Variants in MYO3A observed in about 807,000 individuals in gnomAD.
The protein encoded by MYO3A is myosin IIIA.
A neutral mutation model predicts 192.7 loss-of-function variants in MYO3A; 180 were observed. The ratio of observed to expected loss-of-function variants is 0.93; its 90% confidence interval spans 0.83 to 1.06. MYO3A has a LOEUF of 1.06. MYO3A is among the 50% of genes least tolerant of loss of function. The probability of loss-of-function intolerance (pLI) is 0.00; values close to 1 mark genes in which losing one functional copy is unlikely to be tolerated. For synonymous variants in MYO3A, 628 were observed against 645.3 expected (o/e 0.97, Z 0.41); for missense variants, 1,896 against 1,905.0 (o/e 1.00, Z 0.09).
chr10:26,176,580 C>T, intron 30 of MYO3A, 121 bp from the exon 31 acceptor site: 1 of 848,404 alleles, frequency 1.2e-6, no homozygotes, highest in Non-Finnish European at 1.9e-6. Flanking sequence ...ACAGGGTGGG[C>T]CCTGGAGAGG....
chr10:26,187,337 T>G (rs1842913375), intron 31 of MYO3A, among the ~76,000 whole-genome samples: 1 of 152,170 alleles, frequency 6.6e-6, no homozygotes, highest in Non-Finnish European at 1.5e-5. Context: ...TACCATAGAC[T>G]GAGTGATTTA....
intron 22 of MYO3A, among the ~76,000 whole-genome samples, chr10:26,146,103 T>A (rs1471291905): frequency 6.6e-6 from 1 of 152,180 alleles, no homozygotes; most frequent in Admixed American, 6.5e-5. Context: ...TGGATTATGA[T>A]GCAGTTAGAG....
intron 2 of MYO3A, among the ~76,000 whole-genome samples, chr10:25,936,244 T>G (rs1054255551): frequency 2.0e-5 from 3 of 152,038 alleles, no homozygotes; most frequent in East Asian, 1.9e-4. Context: ...ATTTTTTTTT[T>G]GCATATATTC....
intron 10 of MYO3A, among the ~76,000 whole-genome samples, chr10:26,052,120 T>C (rs1013926732): frequency 6.6e-6 from 1 of 152,138 alleles, no homozygotes; most frequent in East Asian, 1.9e-4. Flanking sequence ...TAGAAAAAAG[T>C]AGGGACACTG....
At chr10:26,078,803 A>AT (rs1356519664) in intron 14 of MYO3A, among the ~76,000 whole-genome samples, 1 of 151,880 alleles carries the variant, frequency 6.6e-6, no homozygotes, top group Non-Finnish European at 1.5e-5. Flanking sequence ...ATTTCCATGT[A>AT]TTTGCATGAT....
chr10:26,100,118 C>T (rs1837339732), intron 17 of MYO3A, among the ~76,000 whole-genome samples: 1 of 152,170 alleles, frequency 6.6e-6, no homozygotes, highest in African/African-American at 2.4e-5. Context: ...GATTCAACTT[C>T]TTCCTGGTTT....
At chr10:25,938,986 T>C (rs1836300091) in intron 2 of MYO3A, among the ~76,000 whole-genome samples, 1 of 152,144 alleles carries the variant, frequency 6.6e-6, no homozygotes, top group African/African-American at 2.4e-5. Context: ...GAGAATGATT[T>C]TTTTGTTTAA....
At chr10:26,199,833 G>A (rs900856934) in intron 32 of MYO3A, among the ~76,000 whole-genome samples, 1 of 152,094 alleles carries the variant, frequency 6.6e-6, no homozygotes, top group Non-Finnish European at 1.5e-5. Context: ...TGAACTATAG[G>A]CAATTGTTAC....
chr10:25,936,429 G>T (rs1171058845), intron 2 of MYO3A, among the ~76,000 whole-genome samples: 1 of 152,042 alleles, frequency 6.6e-6, no homozygotes, highest in Non-Finnish European at 1.5e-5. Flanking sequence ...TTTTTGCAGT[G>T]TTATTTCCAG....
chr10:25,975,186 TG>T (rs1045255149), intron 4 of MYO3A, among the ~76,000 whole-genome samples: 5 of 152,174 alleles, frequency 3.3e-5, no homozygotes, highest in Non-Finnish European at 7.3e-5. Context: ...AGCATTTAAA[TG>T]TACTACAATT....
At chr10:26,165,905 T>C (rs1053387691) in intron 26 of MYO3A, 162 bp from the exon 27 acceptor site, 2 of 724,796 alleles carry the variant, frequency 2.8e-6, no homozygotes, top group East Asian at 2.5e-5. Context: ...AGTTTGGAAT[T>C]TGGTCTACTC....
At chr10:26,186,356 T>C (rs372429575) in intron 31 of MYO3A, among the ~76,000 whole-genome samples, 4 of 149,424 alleles carry the variant, frequency 2.7e-5, no homozygotes, top group African/African-American at 9.8e-5. Flanking sequence ...AAGCTCTTCC[T>C]CCCGGGTTCA....
At chr10:26,003,521 A>G (rs1281212517) in intron 6 of MYO3A, among the ~76,000 whole-genome samples, 1 of 152,190 alleles carries the variant, frequency 6.6e-6, no homozygotes, top group African/African-American at 2.4e-5. Flanking sequence ...TACTTTTACA[A>G]AAAATCACCA....
intron 30 of MYO3A, 64 bp from the exon 31 acceptor site, chr10:26,176,637 G>A (rs1842349482): frequency 2.7e-6 from 4 of 1,481,674 alleles, no homozygotes; most frequent in East Asian, 2.3e-5. Flanking sequence ...CCCAGCCCCC[G>A]GTGCCTGCAG....
intron 4 of MYO3A, among the ~76,000 whole-genome samples, chr10:25,990,508 A>C (rs1416549644): frequency 1.3e-5 from 2 of 150,534 alleles, no homozygotes; most frequent in Non-Finnish European, 2.9e-5. Context: ...TTCTTTTTTT[A>C]ATATATATAT....
intron 27 of MYO3A, among the ~76,000 whole-genome samples, chr10:26,168,356 T>G (rs965942344): frequency 2.0e-5 from 3 of 152,194 alleles, no homozygotes; most frequent in African/African-American, 7.2e-5. Flanking sequence ...TTGGGAAATA[T>G]AGTTGCCTTT....
At chr10:26,180,949 G>C (rs1842593359) in intron 31 of MYO3A, among the ~76,000 whole-genome samples, 1 of 151,774 alleles carries the variant, frequency 6.6e-6, no homozygotes, top group Non-Finnish European at 1.5e-5. Context: ...AAATTTCAGA[G>C]AAAAAAAGAA....
intron 2 of MYO3A, among the ~76,000 whole-genome samples, chr10:25,937,174 GC>G (rs1328682030): frequency 6.6e-6 from 1 of 152,178 alleles, no homozygotes; most frequent in Non-Finnish European, 1.5e-5. Flanking sequence ...GGAGGACCAG[GC>G]AAGACAGCTC....
chr10:26,097,252 C>G lies in MYO3A; in HGVS notation c.1776+570C>G, dbSNP rs1462624074. 2.0e-5 allele frequency among the ~76,000 whole-genome samples: 3 copies of G among 152,092 alleles called. No homozygotes were observed. The East Asian group carries it at 5.8e-4, about 29-fold the overall frequency. On this transcript the variant is annotated intron_variant, in intron 17 of 34. Transcript: ENST00000642920. ...ACTATAAATCTGCTTTTTCTGGACA[C>G]TTTACATACAAGGGATCATATAATA...
Sources: allele counts gnomAD v4.1 joint callset (sites outside exome capture counted in the v4.1 genomes callset), GRCh38; gene constraint gnomAD v4.1.1; transcripts MANE v1.5; gene names NCBI Gene and HGNC (gene_info 2026-07-23, HGNC 2026-07-21).